COBL: variants seen among roughly 807,000 people sequenced by gnomAD.
The protein encoded by COBL is protein cordon-bleu.
Under a neutral mutation model 98.8 loss-of-function variants are expected in COBL, and 51 were observed. That is an observed-to-expected ratio of 0.52 (90% CI 0.41 to 0.65). The LOEUF is 0.65. Ranked by LOEUF, COBL falls within the 30% of genes least tolerant of loss-of-function variation. The pLI is 0.00. For missense variants in COBL, 1,617 were observed against 1,617.5 expected (o/e 1.00, Z 0.01); for synonymous variants, 634 against 651.7 (o/e 0.97, Z 0.41).
chr7:51,211,873 T>C (rs1792469012), intron 2 of COBL, among the ~76,000 whole-genome samples: 1 of 152,110 alleles, frequency 6.6e-6, no homozygotes, highest in African/African-American at 2.4e-5. Flanking sequence ...TCTCTCTCCT[T>C]CTCTCTCTGC....
At chr7:51,172,637 C>A in intron 5 of COBL, 2 of 665,192 alleles carry the variant, frequency 3.0e-6, no homozygotes, top group South Asian at 4.1e-5. Flanking sequence ...CACAAGGCAG[C>A]AAACCCTTCA....
At chr7:51,095,896 T>C (rs571945102) in intron 6 of COBL, among the ~76,000 whole-genome samples, 5 of 152,218 alleles carry the variant, frequency 3.3e-5, no homozygotes, top group East Asian at 1.9e-4. Context: ...AAAGCAAACA[T>C]TGACATAATT....
At chr7:51,057,363 G>A (rs1425983777) in intron 7 of COBL, among the ~76,000 whole-genome samples, 1 of 151,938 alleles carries the variant, frequency 6.6e-6, no homozygotes, top group Non-Finnish European at 1.5e-5. Flanking sequence ...TATATTCAGT[G>A]CTGAGGTTTC....
intron 7 of COBL, chr7:51,065,135 G>A: frequency 1.4e-6 from 1 of 698,958 alleles, no homozygotes; most frequent in South Asian, 1.5e-5. Context: ...AAAAACAAGT[G>A]TTAGCTGATT....
intron 7 of COBL, among the ~76,000 whole-genome samples, chr7:51,065,893 C>G (rs1385803284): frequency 6.6e-6 from 1 of 152,186 alleles, no homozygotes; most frequent in African/African-American, 2.4e-5. Flanking sequence ...AATGTTAGGA[C>G]ACAGACACAC....
At chr7:51,072,291 A>G (rs1792638882) in intron 7 of COBL, 1 of 152,218 alleles carries the variant, frequency 6.6e-6, no homozygotes, top group Non-Finnish European at 1.5e-5. Flanking sequence ...CTAAACCTTG[A>G]ATTTTAACAT....
In COBL at chr7:51,164,012, T is replaced by C. The variant is rs116300311; in HGVS notation, c.783+20090A>G. ...ATGAAAAAGGTGTAGTAACAAACTT[T>C]TGGGCTTTTGCCAATCCCATAGGTG... On this transcript the variant is annotated intron_variant, in intron 5 of 12. Transcript: ENST00000265136. 2.4e-3 allele frequency among the ~76,000 whole-genome samples: 364 copies of C among 152,352 alleles called. 3 individuals are homozygous for C. The South Asian group carries it at 0.037, about 15-fold the overall frequency.
At chr7:51,098,185 C>G (rs892123215) in intron 6 of COBL, among the ~76,000 whole-genome samples, 2 of 143,954 alleles carry the variant, frequency 1.4e-5, no homozygotes, top group Non-Finnish European at 3.0e-5. Context: ...ACAATCTATA[C>G]ATTCAAAGCA....
chr7:51,158,228 A>C (rs1003874876), intron 5 of COBL, among the ~76,000 whole-genome samples: 1 of 152,108 alleles, frequency 6.6e-6, no homozygotes, highest in African/African-American at 2.4e-5. Context: ...TGTATTTTCT[A>C]TTTGTTTATT....
intron 2 of COBL, among the ~76,000 whole-genome samples, chr7:51,214,784 T>G (rs1219734766): frequency 1.3e-5 from 2 of 152,206 alleles, no homozygotes; most frequent in Admixed American, 6.5e-5. Flanking sequence ...TGAAGAAAAT[T>G]AATACTGCGA....
intron 1 of COBL, among the ~76,000 whole-genome samples, chr7:51,276,788 G>A (rs927929370): frequency 6.6e-6 from 1 of 152,174 alleles, no homozygotes; most frequent in Non-Finnish European, 1.5e-5. Context: ...AAAACCCAAG[G>A]GCATTCTGGA....
At chr7:51,182,365 T>G (rs1043717026) in intron 5 of COBL, among the ~76,000 whole-genome samples, 2 of 151,588 alleles carry the variant, frequency 1.3e-5, no homozygotes, top group South Asian at 4.2e-4. Flanking sequence ...CACTGCAACC[T>G]CTGCCTCCCG....
At chr7:51,203,877 T>C (rs1273592742) in intron 2 of COBL, among the ~76,000 whole-genome samples, 1 of 152,184 alleles carries the variant, frequency 6.6e-6, no homozygotes, top group Non-Finnish European at 1.5e-5. Context: ...ACAAATTTTA[T>C]GAGGCTAGAA....
intron 3 of COBL, among the ~76,000 whole-genome samples, chr7:51,191,877 G>A (rs1471985925): frequency 6.6e-6 from 1 of 152,110 alleles, no homozygotes; most frequent in Non-Finnish European, 1.5e-5. Context: ...TTGAACAAAA[G>A]AGCAGCAAAG....
At chr7:51,146,391 G>A (rs1785033682) in intron 5 of COBL, among the ~76,000 whole-genome samples, 1 of 152,104 alleles carries the variant, frequency 6.6e-6, no homozygotes, top group African/African-American at 2.4e-5. Flanking sequence ...CTGCAGGGAG[G>A]GGCTGCCAGG....
chr7:51,112,485 A>G (rs28647271), intron 6 of COBL, among the ~76,000 whole-genome samples: 4,072 of 152,342 alleles, frequency 0.027, 166 homozygotes, highest in African/African-American at 0.094. Flanking sequence ...TTCCTTTCTA[A>G]GCTCCCATTC....
chr7:51,186,422 G>A (rs772450757), intron 4 of COBL, among the ~76,000 whole-genome samples: 3 of 152,162 alleles, frequency 2.0e-5, no homozygotes, highest in African/African-American at 4.8e-5. Flanking sequence ...ACTGATAATC[G>A]AGAAGTAGAG....
intron 6 of COBL, among the ~76,000 whole-genome samples, chr7:51,098,802 A>C (rs1410016440): frequency 6.6e-6 from 1 of 152,202 alleles, no homozygotes; most frequent in Non-Finnish European, 1.5e-5. Flanking sequence ...AAAGGAAACA[A>C]TCAACAGAGT....
At chr7:51,096,702 G>C (rs575732733) in intron 6 of COBL, among the ~76,000 whole-genome samples, 1 of 152,082 alleles carries the variant, frequency 6.6e-6, no homozygotes, top group South Asian at 2.1e-4. Context: ...ATCATAGGAG[G>C]CTATTGTGAA....
Sources: gnomAD v4.1 joint callset for allele counts (sites outside exome capture counted in the v4.1 genomes callset) on GRCh38, gnomAD v4.1.1 for gene constraint, MANE v1.5 for transcripts, NCBI Gene and HGNC (gene_info 2026-07-23, HGNC 2026-07-21) for gene names.